NKAPD1: variants seen among roughly 807,000 people sequenced by gnomAD.
The protein encoded by NKAPD1 is NKAP domain containing 1, also known as uncharacterized protein NKAPD1.
In NKAPD1, 12 loss-of-function variants were observed where a neutral mutation model predicts 30.9. The ratio of observed to expected loss-of-function variants is 0.39; its 90% CI spans 0.25 to 0.63. NKAPD1 has a LOEUF of 0.63. NKAPD1 is among the 20% of genes least tolerant of loss of function. The pLI is 0.51. For missense variants in NKAPD1, 311 were observed against 344.5 expected (o/e 0.90, Z 0.77); for synonymous variants, 91 against 113.6 (o/e 0.80, Z 1.26).
At chr11:112,075,500 A>G (rs1279249825) in intron 1 of NKAPD1, 67 bp from the exon 2 acceptor site, 15 of 1,241,986 alleles carry the variant, frequency 1.2e-5, no homozygotes, top group Non-Finnish European at 1.6e-5. Context: ...CTTCTTTATA[A>G]AACTTCAAGA....
At chr11:112,076,594 T>A (rs1865335562) in intron 2 of NKAPD1, among the ~76,000 whole-genome samples, 1 of 152,210 alleles carries the variant, frequency 6.6e-6, no homozygotes, top group Non-Finnish European at 1.5e-5. Flanking sequence ...GATTAACACA[T>A]ATTTTTTATG....
chr11:112,084,349 T>C lies in NKAPD1; in HGVS notation c.*1377T>C, dbSNP rs2135258444. On this transcript the variant is annotated 3_prime_UTR_variant, in exon 6 of 6. Coordinates refer to ENST00000393047, the MANE Select transcript of NKAPD1 (RefSeq NM_018195.4). ...AAATTTGTTCTCTTTACGGGACAGATTTCTAATAAAGTGCTTGGTCTTAAA... is the reference window on the plus strand; with the variant it reads ...AAATTTGTTCTCTTTACGGGACAGACTTCTAATAAAGTGCTTGGTCTTAAA... 6.5e-6 allele frequency: 1 copy of C among 152,774 alleles called. No homozygotes were observed. The highest frequency in any genetic ancestry group is 2.4e-5 in the African/African-American group (1 of 41,578). The allele number at this position is 152,774 out of a possible 1,614,324, so 9.5% of individuals were successfully genotyped here.
chr11:112,074,500 C>T lies in NKAPD1; in HGVS notation c.-425C>T, dbSNP rs1865264080. On this transcript the variant is annotated 5_prime_UTR_variant, in exon 1 of 6. Transcript: ENST00000393047. The stretch of plus-strand genomic sequence containing the variant: ...TGTCTTCCACTTGGAAACCTCAACC[C>T]CCGCTTCAGGCTCCCTAGATACTTT... 2.5e-6 allele frequency: 1 copy of T among 398,962 alleles called. No individual in the cohort carries two copies. Among genetic ancestry groups the T allele is most frequent in the South Asian group, 1.3e-4 (1 of 7,862 alleles). The allele number at this position is 398,962 out of a possible 1,614,324, so 24.7% of individuals were successfully genotyped here.
Position 112,082,589 on chromosome 11 carries a change from C to G in NKAPD1, c.499C>G (p.His167Asp). 3 of 1,613,014 alleles carry G rather than the reference C, an allele frequency of 1.9e-6. No individual in the cohort carries two copies. Among genetic ancestry groups the G allele is most frequent in the Non-Finnish European group, 2.5e-6 (3 of 1,179,844 alleles). Residue 167 changes from histidine to aspartate, a missense_variant, in exon 6 of 6, where the codon CAC becomes GAC. Coordinates refer to ENST00000393047, the MANE Select transcript of NKAPD1 (RefSeq NM_018195.4). ...SHKKKQKKRS[H>D]KKQKKSKKEA... The stretch of plus-strand genomic sequence containing the variant: ...CAAAAAAAAGCAGAAAAAAAGGTCA[C>G]ACAAAAAACAGAAGAAAAGCAAAAA...
At chr11:112,080,879 T>TACATGTACTATGTCCATAC in intron 4 of NKAPD1, 1 of 318,458 alleles carries the variant, frequency 3.1e-6, no homozygotes, top group South Asian at 3.2e-5. Context: ...TGTATGATTC[T>TACATGTACTATGTCCATAC]ATTTATGTAC....
Position 112,084,306 on chromosome 11 carries a change from T to A in NKAPD1, c.*1334T>A, listed in dbSNP as rs1865528489. ...TATGATGACATTCCATGAGTTGGTA[T>A]TTTTAGTTCTAACTGCTAAATTTGT... is the stretch of plus-strand genomic sequence containing the variant. On this transcript the variant is annotated 3_prime_UTR_variant, in exon 6 of 6. Transcript: ENST00000393047. The A allele has an allele frequency of 6.6e-6, 1 of 152,650 alleles. No homozygotes were observed. Among genetic ancestry groups the A allele is most frequent in the Non-Finnish European group, 1.5e-5 (1 of 68,026 alleles). The allele number at this position is 152,650 out of a possible 1,614,324, so 9.5% of individuals were successfully genotyped here. A position where few individuals can be genotyped will look rare whatever the true frequency, so the allele number is the denominator to read the frequency against.
chr11:112,074,697 C>G lies in NKAPD1; in HGVS notation c.-228C>G. ...TCCGGCCTCAGTCCGGGAGAGAGATCTGCCTGTCGGTCTGGGCTGGGGGAA... is the reference window on the plus strand; with the variant it reads ...TCCGGCCTCAGTCCGGGAGAGAGATGTGCCTGTCGGTCTGGGCTGGGGGAA... On this transcript the variant is annotated 5_prime_UTR_variant, in exon 1 of 6. It adds an upstream start codon to the 5' untranslated region. Transcript: ENST00000393047. 2.6e-6 allele frequency: 1 copy of G among 391,052 alleles called. No homozygotes were observed. The highest frequency in any genetic ancestry group is 4.5e-6 in the Non-Finnish European group (1 of 221,544). 24.2% of individuals were successfully genotyped at this position (391,052 alleles called of 1,614,324 possible).
chr11:112,080,722 G>A (rs1381174846), intron 4 of NKAPD1, 164 bp downstream of exon 4: 1 of 690,318 alleles, frequency 1.4e-6, no homozygotes, highest in Admixed American at 3.0e-5. Context: ...GTCAACTGAT[G>A]AATGGGTAAA....
Position 112,083,108 on chromosome 11 carries a change from G to A in NKAPD1, c.*136G>A, listed in dbSNP as rs1277248219. 30 of 842,580 alleles carry A rather than the reference G, an allele frequency of 3.6e-5. No individual in the cohort carries two copies. Among genetic ancestry groups the A allele is most frequent in the Non-Finnish European group, 4.2e-5 (25 of 588,286 alleles). 52.2% of individuals were successfully genotyped at this position (842,580 alleles called of 1,614,324 possible). A position where few individuals can be genotyped will look rare whatever the true frequency, so the allele number is the denominator to read the frequency against. Reference sequence around the variant, plus strand: ...GTGCCATCTGTATGTTCTGACAGACGTCTTGTCTTCTATTTTGGCGTTAAG... The same window carrying A: ...GTGCCATCTGTATGTTCTGACAGACATCTTGTCTTCTATTTTGGCGTTAAG... On this transcript the variant is annotated 3_prime_UTR_variant, in exon 6 of 6. Coordinates refer to ENST00000393047, the MANE Select transcript of NKAPD1 (RefSeq NM_018195.4).
chr11:112,079,085 T>A (rs1038748258), intron 3 of NKAPD1, among the ~76,000 whole-genome samples: 6 of 152,136 alleles, frequency 3.9e-5, no homozygotes, highest in Non-Finnish European at 8.8e-5. Context: ...ATTTTCTCAT[T>A]TGCTGCTATA....
chr11:112,082,869 A>C lies in NKAPD1; in HGVS notation c.779A>C (p.His260Pro), dbSNP rs753812442. 6.2e-7 allele frequency: 1 copy of C among 1,613,850 alleles called. No homozygotes were observed. Among genetic ancestry groups the C allele is most frequent in the South Asian group, 1.1e-5 (1 of 91,062 alleles). Residue 260 changes from histidine to proline, a missense_variant, in exon 6 of 6, where the codon CAT becomes CCT. Coordinates refer to ENST00000393047, the MANE Select transcript of NKAPD1 (RefSeq NM_018195.4). Reference sequence around the variant, plus strand: ...AGGAAAAAGAGAGAGAAAAAAGCCCATACCTCTGTAGCCAACAATGAAATA... The same window carrying C: ...AGGAAAAAGAGAGAGAAAAAAGCCCCTACCTCTGTAGCCAACAATGAAATA... Reference protein sequence around the residue: ...TKRKKREKKAHTSVANNEIQE... With the variant: ...TKRKKREKKAPTSVANNEIQE...
chr11:112,080,602 C>T (rs780032529), intron 4 of NKAPD1, 44 bp downstream of exon 4: 71 of 1,580,580 alleles, frequency 4.5e-5, no homozygotes, highest in Middle Eastern at 1.7e-4. Flanking sequence ...GGCCTGAGAA[C>T]GTGTACTTAT....
Position 112,076,780 on chromosome 11 carries a change from C to T in NKAPD1, c.69+1137C>T, listed in dbSNP as rs185459648. ...AAGTGGACCTGCACAGTTGAGATTC[C>T]TGTTGTTCAAGGTCAACTGTGTAAC... On this transcript the variant is annotated intron_variant, in intron 2 of 5. Coordinates refer to ENST00000393047, the MANE Select transcript of NKAPD1 (RefSeq NM_018195.4). Among the ~76,000 whole-genome samples the T allele has an allele frequency of 9.2e-5, 14 of 152,330 alleles. No homozygotes were observed. The East Asian group carries it at 2.5e-3, about 27-fold the overall frequency.
In NKAPD1 at chr11:112,083,826, A is replaced by T. The variant is rs1055378150; in HGVS notation, c.*854A>T. The T allele has an allele frequency of 6.6e-6, 1 of 152,538 alleles. No homozygotes were observed. The highest frequency in any genetic ancestry group is 1.5e-5 in the Non-Finnish European group (1 of 68,014). The allele number at this position is 152,538 out of a possible 1,614,324, so 9.4% of individuals were successfully genotyped here. ...TTAAATGTTGTCTTGTTCATTTCTA[A>T]ATCTGTTCATGAAGTTTAGGTTTTC... On this transcript the variant is annotated 3_prime_UTR_variant, in exon 6 of 6. Transcript: ENST00000393047.
rs115127215 is a variant in NKAPD1, at chr11:112,078,803, C to G, written c.170+488C>G. Among the ~76,000 whole-genome samples, 577 of 152,324 alleles carry G rather than the reference C, an allele frequency of 3.8e-3. 2 individuals are homozygous for G. The highest frequency in any genetic ancestry group is 0.013 in the African/African-American group (529 of 41,564). ...CTGGGCTCACGCAGTCCTCCCACCT[C>G]AACCTCCCAGTGTTGGGATTATAAG... On this transcript the variant is annotated intron_variant, in intron 3 of 5. Transcript: ENST00000393047.
In NKAPD1 at chr11:112,074,488, G is replaced by T. The variant is rs1865262826; in HGVS notation, c.-437G>T. Reference sequence around the variant, plus strand: ...GGATATTTCCTCTGTCTTCCACTTGGAAACCTCAACCCCCGCTTCAGGCTC... The same window carrying T: ...GGATATTTCCTCTGTCTTCCACTTGTAAACCTCAACCCCCGCTTCAGGCTC... On this transcript the variant is annotated 5_prime_UTR_variant, in exon 1 of 6. Coordinates refer to ENST00000393047, the MANE Select transcript of NKAPD1 (RefSeq NM_018195.4). The T allele has an allele frequency of 2.5e-6, 1 of 399,044 alleles. No homozygotes were observed. Among genetic ancestry groups the T allele is most frequent in the Non-Finnish European group, 4.4e-6 (1 of 226,100 alleles). The allele number at this position is 399,044 out of a possible 1,614,324, so 24.7% of individuals were successfully genotyped here.
chr11:112,083,142 C>G lies in NKAPD1; in HGVS notation c.*170C>G. ...TCTATTTTGGCGTTAAGCTTGATCC[C>G]CTTTTCTTGTTAAAAGGGAATCTGG... is the stretch of plus-strand genomic sequence containing the variant. On this transcript the variant is annotated 3_prime_UTR_variant, in exon 6 of 6. Transcript: ENST00000393047. 1.7e-6 allele frequency: 1 copy of G among 595,704 alleles called. No homozygotes were observed. Among genetic ancestry groups the G allele is most frequent in the Non-Finnish European group, 2.6e-6 (1 of 377,538 alleles). The allele number at this position is 595,704 out of a possible 1,614,324, so 36.9% of individuals were successfully genotyped here.
intron 2 of NKAPD1, among the ~76,000 whole-genome samples, chr11:112,077,837 G>GC (rs1283262637): frequency 1.4e-5 from 2 of 146,490 alleles, no homozygotes; most frequent in East Asian, 3.9e-4. Context: ...TCAGTTAGTT[G>GC]CTTTTTTTTT....
intron 3 of NKAPD1, among the ~76,000 whole-genome samples, chr11:112,078,889 G>A (rs1326577348): frequency 6.6e-6 from 1 of 152,116 alleles, no homozygotes; most frequent in East Asian, 1.9e-4. Context: ...CTCTTCACCA[G>A]ATCAACAGCC....
Sources: gnomAD v4.1 joint callset for allele counts (sites outside exome capture counted in the v4.1 genomes callset) on GRCh38, gnomAD v4.1.1 for gene constraint, MANE v1.5 for transcripts, NCBI Gene and HGNC (gene_info 2026-07-23, HGNC 2026-07-21) for gene names.